The following DYNC2H1 variants were observed in gnomAD, a reference collection of about 807,000 sequenced individuals.
The protein encoded by DYNC2H1 is dynein cytoplasmic 2 heavy chain 1, also known as cytoplasmic dynein 2 heavy chain 1.
DYNC2H1 carries 410 observed loss-of-function variants against 570.0 expected under a neutral mutation model. The observed-to-expected ratio is 0.72, with a 90% CI of 0.66 to 0.78. DYNC2H1 has a LOEUF of 0.78. DYNC2H1 is among the 30% of genes least tolerant of loss of function. The probability of loss-of-function intolerance (pLI) is 0.00; values close to 1 mark genes in which losing one functional copy is unlikely to be tolerated. For synonymous variants in DYNC2H1, 1,688 were observed against 1,677.6 expected, an observed-to-expected ratio of 1.01 and a Z score of -0.15; for missense variants, 4,865 against 5,046.4, an observed-to-expected ratio of 0.96 and a Z score of 1.09.
Position 103,170,841 on chromosome 11 carries a change from T to G in DYNC2H1, c.5152-45T>G. Reference sequence around the variant, plus strand: ...TTAAATATTAAGTAGTTATGGAGATTTTGATTATTTTTTAATGACTATAAT... The same window carrying G: ...TTAAATATTAAGTAGTTATGGAGATGTTGATTATTTTTTAATGACTATAAT... On this transcript the variant is annotated intron_variant, in intron 33 of 88. Transcript: ENST00000375735. The surrounding 1 kb of genome is among the most constrained non-coding windows in gnomAD (Gnocchi z 4.8). The G allele has an allele frequency of 7.3e-7, 1 of 1,362,200 alleles. No homozygotes were observed. Among genetic ancestry groups the G allele is most frequent in the Non-Finnish European group, 9.6e-7 (1 of 1,040,650 alleles). 84.4% of individuals were successfully genotyped at this position (1,362,200 alleles called of 1,614,324 possible).
intron 11 of DYNC2H1, among the ~76,000 whole-genome samples, chr11:103,124,782 A>C (rs1217873966): frequency 1.3e-5 from 2 of 152,172 alleles, no homozygotes; most frequent in Admixed American, 1.3e-4. Context: ...AAAATGAATC[A>C]AAATTTTTTC....
At chr11:103,391,811 C>T (rs1384180475) in intron 83 of DYNC2H1, among the ~76,000 whole-genome samples, 2 of 152,168 alleles carry the variant, frequency 1.3e-5, no homozygotes, top group Non-Finnish European at 2.9e-5. Flanking sequence ...TTAGAACAGC[C>T]AATATTGCTG....
chr11:103,119,822 G>A (rs1472121583), intron 6 of DYNC2H1, among the ~76,000 whole-genome samples: 2 of 152,128 alleles, frequency 1.3e-5, no homozygotes, highest in African/African-American at 2.4e-5. Context: ...ATGCTGTTAG[G>A]CATTCTCAGT....
At chr11:103,139,946 A>G (rs1385736912) in intron 17 of DYNC2H1, among the ~76,000 whole-genome samples, 1 of 152,164 alleles carries the variant, frequency 6.6e-6, no homozygotes, top group East Asian at 1.9e-4. Flanking sequence ...TTCTTGTTGA[A>G]TTGATCCATT....
At chr11:103,174,853 A>T (rs559444914) in intron 36 of DYNC2H1, among the ~76,000 whole-genome samples, 1 of 121,498 alleles carries the variant, frequency 8.2e-6, no homozygotes, top group South Asian at 2.6e-4. Flanking sequence ...TCCTGGCTTT[A>T]TTCTTTGGAA....
rs1381437410 is a variant in DYNC2H1 at position 103,366,094 on chromosome 11, TG to T, written c.12156+7737del. ...ATTGAATAGCTAGTGTCTCCTTAGG[TG>T]GTACAACAAAAATGATGGATTTGGA... On this transcript the variant is annotated intron_variant, in intron 83 of 88. Coordinates refer to ENST00000375735, the MANE Select transcript of DYNC2H1 (RefSeq NM_001377.3). 2.6e-5 allele frequency among the ~76,000 whole-genome samples: 4 copies of T among 152,234 alleles called. No individual in the cohort carries two copies. In the East Asian group the frequency reaches 7.7e-4, roughly 29 times the overall value.
At chr11:103,405,805 G>A (rs1591697886) in intron 84 of DYNC2H1, 1 of 152,040 alleles carries the variant, frequency 6.6e-6, no homozygotes, top group East Asian at 1.9e-4. Context: ...GTCTTTGTGG[G>A]TAGTTGAAAA....
intron 80 of DYNC2H1, among the ~76,000 whole-genome samples, chr11:103,317,248 C>T (rs1306510098): frequency 6.6e-6 from 1 of 152,080 alleles, no homozygotes; most frequent in Non-Finnish European, 1.5e-5. Context: ...CTCCTCCCCA[C>T]CCCCAACCCT....
At chr11:103,450,537 T>C (rs1944564720) in intron 85 of DYNC2H1, among the ~76,000 whole-genome samples, 1 of 152,098 alleles carries the variant, frequency 6.6e-6, no homozygotes, top group Non-Finnish European at 1.5e-5. Context: ...CAAAGATTTA[T>C]TGAAAATCCT....
intron 83 of DYNC2H1, among the ~76,000 whole-genome samples, chr11:103,382,071 T>G (rs1419746534): frequency 6.6e-6 from 1 of 151,864 alleles, no homozygotes; most frequent in Non-Finnish European, 1.5e-5. Context: ...AGGTCAGTTC[T>G]TGTTTTAAAA....
intron 45 of DYNC2H1, among the ~76,000 whole-genome samples, chr11:103,191,199 C>T (rs947579271): frequency 2.0e-5 from 3 of 151,438 alleles, no homozygotes; most frequent in African/African-American, 4.9e-5. Flanking sequence ...GCCACCATGC[C>T]CAGCCAATTT....
At chr11:103,306,672 A>C (rs982997599) in intron 77 of DYNC2H1, among the ~76,000 whole-genome samples, 3 of 152,154 alleles carry the variant, frequency 2.0e-5, no homozygotes, top group Non-Finnish European at 4.4e-5. Context: ...TTTTTTTGTC[A>C]TCTTAACTCT....
intron 22 of DYNC2H1, 39 bp downstream of exon 22, chr11:103,153,547 A>G: frequency 6.7e-7 from 1 of 1,483,978 alleles, no homozygotes; most frequent in Non-Finnish European, 9.1e-7. Context: ...CTTATTTTGA[A>G]AAAACAATTT....
At chr11:103,436,137 C>A in intron 85 of DYNC2H1, 105 bp downstream of exon 85, 1 of 841,724 alleles carries the variant, frequency 1.2e-6, no homozygotes, top group South Asian at 2.4e-5. Flanking sequence ...TATGATTTTG[C>A]ACATAAAACA....
chr11:103,220,876 G>T (rs1863560297), intron 57 of DYNC2H1, 93 bp downstream of exon 57: 3 of 1,261,512 alleles, frequency 2.4e-6, no homozygotes, highest in Non-Finnish European at 2.2e-6. Context: ...TTTTCAAAAT[G>T]CACTTCATCT....
chr11:103,431,035 T>C (rs1943870361), intron 84 of DYNC2H1, among the ~76,000 whole-genome samples: 1 of 152,078 alleles, frequency 6.6e-6, no homozygotes, highest in Non-Finnish European at 1.5e-5. Context: ...AAATAGCAGC[T>C]ATTTACTCAT....
intron 80 of DYNC2H1, among the ~76,000 whole-genome samples, chr11:103,320,427 A>C (rs1418241831): frequency 6.6e-6 from 1 of 152,096 alleles, no homozygotes; most frequent in East Asian, 1.9e-4. Flanking sequence ...AAAAACAAAA[A>C]GTTCCATTGT....
In DYNC2H1 at chr11:103,444,282, A is replaced by G. The variant is rs1018108877; in HGVS notation, c.12456+8250A>G. ...ATTCTTCTCTTGCTATACTAAACAC[A>G]TAGTAATGATTCAGACTAAGATAAT... is the stretch of plus-strand genomic sequence containing the variant. On this transcript the variant is annotated intron_variant, in intron 85 of 88. Transcript: ENST00000375735. Among the ~76,000 whole-genome samples, 5 of 152,128 alleles carry G rather than the reference A, an allele frequency of 3.3e-5. No homozygotes were observed. In the East Asian group the frequency reaches 9.7e-4, roughly 29 times the overall value.
At chr11:103,379,711 A>G (rs528331211) in intron 83 of DYNC2H1, among the ~76,000 whole-genome samples, 2 of 152,168 alleles carry the variant, frequency 1.3e-5, no homozygotes, top group African/African-American at 2.4e-5. Flanking sequence ...TTATTGTTGC[A>G]TGAACAAACC....
Sources: allele counts gnomAD v4.1 joint callset (sites outside exome capture counted in the v4.1 genomes callset), GRCh38; gene constraint gnomAD v4.1.1; non-coding constraint Gnocchi (gnomAD v3.1); transcripts MANE v1.5; gene names NCBI Gene and HGNC (gene_info 2026-07-23, HGNC 2026-07-21).